The following BBS2 variants were observed in gnomAD, a reference collection of about 807,000 sequenced individuals.
BBS2 encodes the protein BBSome complex member BBS2.
Under a neutral mutation model 83.0 loss-of-function variants are expected in BBS2, and 62 were observed. The observed-to-expected ratio is 0.75, with a 90% CI of 0.61 to 0.92. BBS2 has a LOEUF of 0.92. Among genes scored for constraint, BBS2 ranks in the 40% least tolerant of loss-of-function variants. The probability of loss-of-function intolerance (pLI) is 0.00; values close to 1 mark genes in which losing one functional copy is unlikely to be tolerated. For synonymous variants in BBS2, 303 were observed against 326.1 expected (o/e 0.93, Z 0.76); for missense variants, 784 against 901.0 (o/e 0.87, Z 1.66).
intron 1 of BBS2, 90 bp downstream of exon 1, chr16:56,519,656 G>A (rs576003961): frequency 6.6e-6 from 7 of 1,056,684 alleles, no homozygotes; most frequent in East Asian, 2.4e-5. Flanking sequence ...TGGGGGCGGG[G>A]TCGGAGAGGG....
intron 1 of BBS2, among the ~76,000 whole-genome samples, chr16:56,518,006 A>C (rs1964800244): frequency 1.3e-5 from 2 of 152,012 alleles, no homozygotes; most frequent in African/African-American, 4.8e-5. Flanking sequence ...TAGTAGAGAC[A>C]GGGTTTCACC....
intron 9 of BBS2, 56 bp downstream of exon 9, chr16:56,502,261 G>A (rs1022243302): frequency 4.8e-5 from 77 of 1,610,842 alleles, no homozygotes; most frequent in African/African-American, 2.7e-4. Context: ...TGATCCTCCC[G>A]GTCAGTCTCA....
intron 15 of BBS2, among the ~76,000 whole-genome samples, chr16:56,494,780 G>A (rs529735993): frequency 8.5e-5 from 13 of 152,122 alleles, no homozygotes; most frequent in Middle Eastern, 3.4e-3. Flanking sequence ...GGCTAACACG[G>A]TGAAACCCTG....
Position 56,484,680 on chromosome 16 carries a change from AG to A in BBS2, c.*80del. ...TCATTCTTAGCACCCGGGGTTCACC[AG>A]GGTGTGATCCAAAGCAAACCAGCAT... On this transcript the variant is annotated 3_prime_UTR_variant, in exon 17 of 17. Transcript: ENST00000245157. 8.3e-7 allele frequency: 1 copy of A among 1,197,902 alleles called. No individual in the cohort carries two copies. The highest frequency in any genetic ancestry group is 1.2e-6 in the Non-Finnish European group (1 of 812,250). The allele number at this position is 1,197,902 out of a possible 1,614,324, so 74.2% of individuals were successfully genotyped here.
intron 17 of BBS2, among the ~76,000 whole-genome samples, chr16:56,471,365 GAAAAAAAAA>G (rs755598469): frequency 6.5e-5 from 6 of 92,582 alleles, no homozygotes; most frequent in Non-Finnish European, 1.2e-4. Flanking sequence ...ACATCTCAAA[GAAAAAAAAA>G]AAAAAAGAAA....
At chr16:56,481,978 G>T (rs571630397), downstream of BBS2, among the ~76,000 whole-genome samples, 3 of 152,242 alleles carry the variant, frequency 2.0e-5, 1 homozygote, top group East Asian at 5.8e-4. Flanking sequence ...AACATCAACA[G>T]GATCAAATTA....
chr16:56,505,963 C>T lies in BBS2; in HGVS notation c.791G>A (p.Trp264Ter), dbSNP rs767449884. Reference protein sequence around the residue: ...SDGVNELITGWSNGKVDARSD... With the variant: ...SDGVNELITG ...ATTCAAACTTACCTTCCCATTGGAC[C>T]AACCAGTTATCAGTTCATTCACTCC... Residue 264 changes from tryptophan to a stop codon, truncating the protein, a stop_gained, in exon 7 of 17, where the codon TGG (tryptophan) becomes TAG (stop). Coordinates refer to ENST00000245157, the MANE Select transcript of BBS2 (RefSeq NM_031885.5). LOFTEE classifies it high-confidence loss of function. The T allele has an allele frequency of 2.5e-6, 4 of 1,613,636 alleles. No homozygotes were observed. In the South Asian group the frequency reaches 4.4e-5, roughly 18 times the overall value.
chr16:56,518,733 C>T (rs1393881450), intron 1 of BBS2, among the ~76,000 whole-genome samples: 1 of 152,244 alleles, frequency 6.6e-6, no homozygotes, highest in Non-Finnish European at 1.5e-5. Context: ...GTCAAATACA[C>T]AGGGCTCTGA....
chr16:56,470,908 C>A, intron 17 of BBS2: 2 of 1,038,680 alleles, frequency 1.9e-6, no homozygotes, highest in Non-Finnish European at 1.4e-6. Context: ...ATTTCAGGAA[C>A]TGAAGGACAA....
chr16:56,500,388 A>G, intron 11 of BBS2: 1 of 243,304 alleles, frequency 4.1e-6, no homozygotes. Context: ...CACTTTCGGA[A>G]GCCAAGGCGG....
chr16:56,508,975 A>C (rs1349128479), intron 5 of BBS2, among the ~76,000 whole-genome samples: 1 of 152,154 alleles, frequency 6.6e-6, no homozygotes, highest in Non-Finnish European at 1.5e-5. Context: ...ACAACCTGGG[A>C]TATTAAGAAA....
Position 56,484,705 on chromosome 16 carries a change from A to C in BBS2, c.*56T>G. ...AGGGTGTGATCCAAAGCAAACCAGC[A>C]TAGGTTTTTAACAGAAAATCTTTGC... On this transcript the variant is annotated 3_prime_UTR_variant, in exon 17 of 17. Transcript: ENST00000245157. 6.6e-7 allele frequency: 1 copy of C among 1,504,556 alleles called. No individual in the cohort carries two copies. The highest frequency in any genetic ancestry group is 1.1e-5 in the South Asian group (1 of 87,620). 93.2% of individuals were successfully genotyped at this position (1,504,556 alleles called of 1,614,324 possible). A position where few individuals can be genotyped will look rare whatever the true frequency, so the allele number is the denominator to read the frequency against.
intron 17 of BBS2, chr16:56,474,850 A>AG: frequency 6.2e-7 from 1 of 1,612,896 alleles, no homozygotes; most frequent in Non-Finnish European, 8.5e-7. Context: ...CCATGTGCCA[A>AG]GGGGAACTGA....
At position 56,505,932 on chromosome 16, in the gene BBS2, T is replaced by G. The variant is rs769378820; in HGVS notation, c.804+18A>C. On this transcript the variant is annotated intron_variant, in intron 7 of 16. Coordinates refer to ENST00000245157, the MANE Select transcript of BBS2 (RefSeq NM_031885.5). ...TTACTACTCTGAATTATACCTGAACTTTGCTATTCAAACTTACCTTCCCAT... is the reference window on the plus strand; with the variant it reads ...TTACTACTCTGAATTATACCTGAACGTTGCTATTCAAACTTACCTTCCCAT... 2 of 1,591,912 alleles carry G rather than the reference T, an allele frequency of 1.3e-6. No individual in the cohort carries two copies. The highest frequency in any genetic ancestry group is 2.7e-5 in the African/African-American group (2 of 74,440).
chr16:56,497,885 C>T lies in BBS2; in HGVS notation c.1660-5G>A. On this transcript the variant is annotated splice_polypyrimidine_tract_variant and splice_region_variant and intron_variant, in intron 13 of 16. Transcript: ENST00000245157. ...ATCATCAGTATTTATAGTGATCTAC[C>T]CAGAGAAAAAATAGACAAGTTTAGC... The T allele has an allele frequency of 6.2e-7, 1 of 1,608,240 alleles. No individual in the cohort carries two copies. The highest frequency in any genetic ancestry group is 1.7e-5 in the Admixed American group (1 of 59,928).
intron 13 of BBS2, 94 bp downstream of exon 13, chr16:56,498,343 C>A: frequency 6.7e-7 from 1 of 1,493,028 alleles, no homozygotes; most frequent in Admixed American, 1.8e-5. Flanking sequence ...GTAAACACCA[C>A]ATGAGAAATC....
intron 17 of BBS2, among the ~76,000 whole-genome samples, chr16:56,472,419 G>A (rs1313902405): frequency 6.6e-6 from 1 of 152,162 alleles, no homozygotes; most frequent in African/African-American, 2.4e-5. Context: ...GCAGAGTAGG[G>A]AATACAAAAG....
intron 1 of BBS2, among the ~76,000 whole-genome samples, chr16:56,515,178 C>T (rs758644337): frequency 6.6e-6 from 1 of 152,156 alleles, no homozygotes; most frequent in Non-Finnish European, 1.5e-5. Context: ...CCGAGTCATG[C>T]AAATCAAGTA....
At chr16:56,504,584 C>A (rs1802458402) in intron 7 of BBS2, among the ~76,000 whole-genome samples, 1 of 152,124 alleles carries the variant, frequency 6.6e-6, no homozygotes, top group African/African-American at 2.4e-5. Context: ...TGTAGATAAT[C>A]GGTTTTTCCA....
Sources: allele counts gnomAD v4.1 joint callset (sites outside exome capture counted in the v4.1 genomes callset), GRCh38; gene constraint gnomAD v4.1.1; transcripts MANE v1.5; gene names NCBI Gene and HGNC (gene_info 2026-07-23, HGNC 2026-07-21).